B3GALT5: variants seen among roughly 807,000 people sequenced by gnomAD.
The protein encoded by B3GALT5 is beta-1,3-galactosyltransferase 5.
For missense variants in B3GALT5, 328 were observed against 396.6 expected (o/e 0.83, Z 1.47); for synonymous variants, 156 against 158.6 (o/e 0.98, Z 0.12).
intron 1 of B3GALT5, among the ~76,000 whole-genome samples, chr21:39,626,175 A>G (rs2079162809): frequency 6.6e-6 from 1 of 152,172 alleles, no homozygotes; most frequent in Admixed American, 6.5e-5. Context: ...GTGAAACCAT[A>G]CAGTATTTGT....
At chr21:39,651,570 A>T (rs2079395779) in intron 2 of B3GALT5, among the ~76,000 whole-genome samples, 1 of 152,220 alleles carries the variant, frequency 6.6e-6, no homozygotes, top group Non-Finnish European at 1.5e-5. Context: ...CTTAATGTGG[A>T]GCCTGTCTCC....
chr21:39,665,796 A>G lies in B3GALT5; in HGVS notation c.*4304A>G, dbSNP rs4818065. Reference sequence around the variant, plus strand: ...CCGTACCTTATATTGTTTTCCTTGCACTTACCAATTTCTAACAAAGCATGT... The same window carrying G: ...CCGTACCTTATATTGTTTTCCTTGCGCTTACCAATTTCTAACAAAGCATGT... On this transcript the variant is annotated 3_prime_UTR_variant, in exon 4 of 4. Transcript: ENST00000684187. The G allele has an allele frequency of 0.71, 107,870 of 152,222 alleles. 39,682 individuals are homozygous for G. The highest frequency in any genetic ancestry group is 0.82 in the Middle Eastern group (240 of 294). 9.4% of individuals were successfully genotyped at this position (152,222 alleles called of 1,614,324 possible).
At chr21:39,616,363 C>T (rs933502933) in intron 1 of B3GALT5, among the ~76,000 whole-genome samples, 6 of 152,050 alleles carry the variant, frequency 3.9e-5, no homozygotes, top group South Asian at 2.1e-4. Flanking sequence ...AATCTCGTTC[C>T]GTCTCCTTGT....
intron 1 of B3GALT5, among the ~76,000 whole-genome samples, chr21:39,632,833 C>T (rs2079200963): frequency 6.6e-6 from 1 of 152,184 alleles, no homozygotes; most frequent in East Asian, 1.9e-4. Context: ...AGGGATGGAG[C>T]CCGGGGATGC....
chr21:39,642,212 A>G (rs1182947814), intron 1 of B3GALT5, among the ~76,000 whole-genome samples: 1 of 152,226 alleles, frequency 6.6e-6, no homozygotes, highest in Non-Finnish European at 1.5e-5. Context: ...ATGGGCTCTG[A>G]GCTAGGCACG....
intron 1 of B3GALT5, among the ~76,000 whole-genome samples, chr21:39,626,742 T>TTGGATATACAG (rs1310311518): frequency 2.6e-5 from 4 of 152,206 alleles, no homozygotes; most frequent in African/African-American, 7.2e-5. Flanking sequence ...TATATCTTCT[T>TTGGATATACAG]TGGAGAATGT....
intron 1 of B3GALT5, among the ~76,000 whole-genome samples, chr21:39,623,825 C>G (rs1368908686): frequency 6.6e-6 from 1 of 152,154 alleles, no homozygotes; most frequent in Non-Finnish European, 1.5e-5. Context: ...GATTTGAGAT[C>G]TCATATTTTC....
rs1438131891 is a variant in B3GALT5, at chr21:39,630,734, G to A, written c.-391-15658G>A. 2.6e-5 allele frequency among the ~76,000 whole-genome samples: 4 copies of A among 152,236 alleles called. No homozygotes were observed. In the East Asian group the frequency reaches 7.7e-4, roughly 29 times the overall value. ...TGAAAAGCTGGGATTGCTGAGAGTG[G>A]TGACCAGAAGAGAGAAGGCCATGGG... On this transcript the variant is annotated intron_variant, in intron 1 of 3. Transcript: ENST00000684187.
rs1287602454 is a variant in B3GALT5 at position 39,672,627 on chromosome 21, A to G, written c.*11135A>G. 6.6e-6 allele frequency: 1 copy of G among 152,218 alleles called. No homozygotes were observed. The highest frequency in any genetic ancestry group is 1.5e-5 in the Non-Finnish European group (1 of 68,042). The allele number at this position is 152,218 out of a possible 1,614,324, so 9.4% of individuals were successfully genotyped here. ...TAGGTGAGTTTTAGGTTGTCGATTGATGTGATAATTCACTCTTCCCGAAAA... is the reference window on the plus strand; with the variant it reads ...TAGGTGAGTTTTAGGTTGTCGATTGGTGTGATAATTCACTCTTCCCGAAAA... On this transcript the variant is annotated 3_prime_UTR_variant, in exon 4 of 4. Transcript: ENST00000684187.
chr21:39,651,093 A>G (rs1433289761), intron 2 of B3GALT5, among the ~76,000 whole-genome samples: 1 of 152,082 alleles, frequency 6.6e-6, no homozygotes, highest in African/African-American at 2.4e-5. Flanking sequence ...AGTCCTCGCT[A>G]TGTGAGCCTG....
Position 39,660,611 on chromosome 21 carries a change from G to A in B3GALT5, c.52G>A (p.Ala18Thr). 1 of 1,450,594 alleles carries A rather than the reference G, an allele frequency of 6.9e-7. No individual in the cohort carries two copies. The highest frequency in any genetic ancestry group is 9.1e-7 in the Non-Finnish European group (1 of 1,099,606). 89.9% of individuals were successfully genotyped at this position (1,450,594 alleles called of 1,614,324 possible). A position where few individuals can be genotyped will look rare whatever the true frequency, so the allele number is the denominator to read the frequency against. Residue 18 changes from alanine to threonine, a missense_variant, in exon 4 of 4, where the codon GCT becomes ACT. Ala to Thr is a moderately conservative substitution (Grantham distance 58). Transcript: ENST00000684187. ...LMYICLLVLGALCLYFSMYSL... is the reference protein window; with the variant it reads ...LMYICLLVLGTLCLYFSMYSL... ...GTATATTTGCCTTCTGGTTCTGGGG[G>A]CTCTTTGTTTGTATTTTAGCATGTA...
Position 39,661,197 on chromosome 21 carries a change from T to G in B3GALT5, c.638T>G (p.Phe213Cys), listed in dbSNP as rs2079517434. ...TATCCGTGGGACAGGTACCCACCAT[T>G]CTGCTCCGGCACCGGCTACGTGTTT... ...SEYPWDRYPPFCSGTGYVFSG... is the reference protein window; with the variant it reads ...SEYPWDRYPPCCSGTGYVFSG... Residue 213 changes from phenylalanine to cysteine, a missense_variant, in exon 4 of 4, where the codon TTC (phenylalanine) becomes TGC (cysteine). Physicochemically the swap from Phe to Cys is radical, Grantham distance 205. Transcript: ENST00000684187. This position sits in a 1 kb window ranked among gnomAD's most constrained non-coding sequence, Gnocchi z 4.7. 1.9e-6 allele frequency: 3 copies of G among 1,614,054 alleles called. No homozygotes were observed. The highest frequency in any genetic ancestry group is 2.7e-5 in the African/African-American group (2 of 74,906).
intron 2 of B3GALT5, among the ~76,000 whole-genome samples, chr21:39,647,064 G>A (rs547840267): frequency 3.6e-4 from 55 of 152,168 alleles, no homozygotes; most frequent in Non-Finnish European, 6.9e-4. Flanking sequence ...TGGCGCCTCC[G>A]CACTCCAGCC....
At chr21:39,656,731 G>T (rs945887593) in intron 2 of B3GALT5, among the ~76,000 whole-genome samples, 1 of 152,200 alleles carries the variant, frequency 6.6e-6, no homozygotes, top group Non-Finnish European at 1.5e-5. Context: ...TTAAGGCAAG[G>T]TCTCCTCACC....
Position 39,667,180 on chromosome 21 carries a change from A to AGCT in B3GALT5, c.*5689_*5691dup, listed in dbSNP as rs1373403028. The AGCT allele has an allele frequency of 6.6e-6, 1 of 152,124 alleles. No homozygotes were observed. The highest frequency in any genetic ancestry group is 2.4e-5 in the African/African-American group (1 of 41,410). 9.4% of individuals were successfully genotyped at this position (152,124 alleles called of 1,614,324 possible). A position where few individuals can be genotyped will look rare whatever the true frequency, so the allele number is the denominator to read the frequency against. On this transcript the variant is annotated 3_prime_UTR_variant, in exon 4 of 4. Transcript: ENST00000684187. ...TTCATGTGTCATTGCCTATTTAACGAGCTTCGCAGTGCCCTCAATTTGCTA... is the reference window on the plus strand; with the variant it reads ...TTCATGTGTCATTGCCTATTTAACGAGCTGCTTCGCAGTGCCCTCAATTTGCTA...
chr21:39,630,636 C>T (rs899486278), intron 1 of B3GALT5: 1 of 152,194 alleles, frequency 6.6e-6, no homozygotes, highest in Non-Finnish European at 1.5e-5. Context: ...TGCATGTCAG[C>T]GTTTTCTTTC....
intron 1 of B3GALT5, among the ~76,000 whole-genome samples, chr21:39,639,401 T>TC (rs60094395): frequency 2.3e-3 from 76 of 32,900 alleles, no homozygotes; most frequent in African/African-American, 0.01. Flanking sequence ...CTTCTTTCTT[T>TC]TTCTTTCTTT....
intron 1 of B3GALT5, among the ~76,000 whole-genome samples, chr21:39,645,343 AG>A (rs1034154600): frequency 3.3e-5 from 5 of 152,274 alleles, no homozygotes; most frequent in Admixed American, 1.3e-4. Context: ...TCTCGCCCTG[AG>A]TGTGCAAGCT....
At chr21:39,625,912 C>T (rs1315634415) in intron 1 of B3GALT5, among the ~76,000 whole-genome samples, 1 of 152,112 alleles carries the variant, frequency 6.6e-6, no homozygotes, top group Non-Finnish European at 1.5e-5. Flanking sequence ...ATTCAGTGAA[C>T]CCCTAACTCT....
Sources: gnomAD v4.1 joint callset for allele counts (sites outside exome capture counted in the v4.1 genomes callset) on GRCh38, gnomAD v4.1.1 for gene constraint, Gnocchi (gnomAD v3.1) non-coding constraint, MANE v1.5 for transcripts, NCBI Gene and HGNC (gene_info 2026-07-23, HGNC 2026-07-21) for gene names.